Variants in NPAS3 observed in about 807,000 individuals in gnomAD.
NPAS3 encodes neuronal PAS domain-containing protein 3.
Under a neutral mutation model 73.1 loss-of-function variants are expected in NPAS3, and 14 were observed. That is an observed-to-expected ratio of 0.19 (90% CI 0.13 to 0.30). The LOEUF (loss-of-function observed/expected upper bound fraction) is 0.30. NPAS3 is among the 10% of genes least tolerant of loss of function. The probability of loss-of-function intolerance (pLI) is 1.00; values close to 1 mark genes in which losing one functional copy is unlikely to be tolerated. For missense variants in NPAS3, 1,096 were observed against 1,250.0 expected (o/e 0.88, Z 1.86); for synonymous variants, 620 against 541.5 (o/e 1.14, Z -2.01).
intron 1 of NPAS3, among the ~76,000 whole-genome samples, chr14:32,954,137 G>T (rs895378276): frequency 1.3e-5 from 2 of 152,088 alleles, no homozygotes; most frequent in Admixed American, 6.5e-5. Flanking sequence ...AATGATGAAG[G>T]TTCCAAATAT....
chr14:33,416,148 A>G (rs1016238705), intron 4 of NPAS3, among the ~76,000 whole-genome samples: 9 of 152,094 alleles, frequency 5.9e-5, no homozygotes, highest in African/African-American at 2.2e-4. Flanking sequence ...CTCCATCTTC[A>G]CAAGTGGAAA....
intron 2 of NPAS3, among the ~76,000 whole-genome samples, chr14:33,149,886 T>C (rs1037795618): frequency 6.6e-6 from 1 of 152,172 alleles, no homozygotes; most frequent in Admixed American, 6.5e-5. Flanking sequence ...GCTGCACCCA[T>C]TAACCTGTCA....
At chr14:33,789,768 T>C (rs1277005683) in intron 9 of NPAS3, among the ~76,000 whole-genome samples, 3 of 149,994 alleles carry the variant, frequency 2.0e-5, no homozygotes, top group Non-Finnish European at 4.4e-5. Flanking sequence ...TTTTGTATTT[T>C]TTAGTAGAGA....
At chr14:33,577,202 C>T (rs190812023) in intron 5 of NPAS3, among the ~76,000 whole-genome samples, 3 of 152,178 alleles carry the variant, frequency 2.0e-5, no homozygotes, top group Admixed American at 1.3e-4. Context: ...AGCAATTCCT[C>T]GAGGATAAAG....
chr14:33,552,343 G>T (rs2055157926), intron 4 of NPAS3, among the ~76,000 whole-genome samples: 1 of 152,172 alleles, frequency 6.6e-6, no homozygotes, highest in African/African-American at 2.4e-5. Flanking sequence ...TTAGTTAGGT[G>T]ACACTGAGCA....
chr14:33,046,866 C>T (rs2040526963), intron 1 of NPAS3, among the ~76,000 whole-genome samples: 1 of 152,134 alleles, frequency 6.6e-6, no homozygotes, highest in Admixed American at 6.5e-5. Context: ...ATCTCAGCTA[C>T]TAGAGGCTGA....
At chr14:33,383,800 C>T (rs558175737) in intron 4 of NPAS3, among the ~76,000 whole-genome samples, 10 of 151,998 alleles carry the variant, frequency 6.6e-5, no homozygotes, top group African/African-American at 9.6e-5. Context: ...GAATGTCTTC[C>T]GAAAAAAATC....
At chr14:33,042,751 C>T (rs2040385836) in intron 1 of NPAS3, among the ~76,000 whole-genome samples, 1 of 152,148 alleles carries the variant, frequency 6.6e-6, no homozygotes, top group Non-Finnish European at 1.5e-5. Flanking sequence ...AAGAGTAAAT[C>T]TTGGCTACAA....
At chr14:33,755,562 G>A (rs1156626869) in intron 7 of NPAS3, among the ~76,000 whole-genome samples, 1 of 152,176 alleles carries the variant, frequency 6.6e-6, no homozygotes, top group South Asian at 2.1e-4. Context: ...CATGGCTGAT[G>A]TGATTAGGCT....
At chr14:33,495,316 A>C (rs990705660) in intron 4 of NPAS3, among the ~76,000 whole-genome samples, 22 of 152,108 alleles carry the variant, frequency 1.4e-4, no homozygotes, top group Admixed American at 3.3e-4. Context: ...CTGAGTTCTA[A>C]TTTGATTGCA....
At chr14:33,034,858 C>T (rs1364113750) in intron 1 of NPAS3, among the ~76,000 whole-genome samples, 2 of 152,098 alleles carry the variant, frequency 1.3e-5, no homozygotes, top group Non-Finnish European at 2.9e-5. Flanking sequence ...TGATAGCCCA[C>T]CTTGGGACAC....
rs530933049 is a variant in NPAS3 at position 33,157,381 on chromosome 14, G to A, written c.141-57801G>A. On this transcript the variant is annotated intron_variant, in intron 2 of 11. Transcript: ENST00000356141. ...AGGTTTCCAACAGGCCACCTGTCTC[G>A]GACATTTAAAAATTCACAGGACAGA... Among the ~76,000 whole-genome samples, 3 of 152,152 alleles carry A rather than the reference G, an allele frequency of 2.0e-5. No individual in the cohort carries two copies. In the South Asian group the frequency reaches 6.2e-4, roughly 32 times the overall value.
chr14:33,222,930 A>C (rs1047949015), intron 3 of NPAS3, among the ~76,000 whole-genome samples: 14 of 152,202 alleles, frequency 9.2e-5, no homozygotes, highest in Admixed American at 5.2e-4. Flanking sequence ...AGTAGGCGCT[A>C]GAAGCAGGTG....
chr14:33,689,721 A>G (rs150143937), intron 6 of NPAS3, among the ~76,000 whole-genome samples: 153 of 152,272 alleles, frequency 1.0e-3, no homozygotes, highest in African/African-American at 3.3e-3. Flanking sequence ...TAACCTCTAT[A>G]ATATACAATT....
chr14:32,962,778 T>G (rs113693357), intron 1 of NPAS3, among the ~76,000 whole-genome samples: 3,845 of 151,192 alleles, frequency 0.025, 142 homozygotes, highest in African/African-American at 0.083. Context: ...GGTCAGGCTG[T>G]TCTTGAACTC....
At chr14:33,696,562 T>C (rs2060387665) in intron 6 of NPAS3, among the ~76,000 whole-genome samples, 2 of 152,166 alleles carry the variant, frequency 1.3e-5, no homozygotes, top group Admixed American at 1.3e-4. Flanking sequence ...TTTTATGTTT[T>C]CATAGGTGGA....
At chr14:33,686,983 TAAGA>T (rs2060107150) in intron 6 of NPAS3, among the ~76,000 whole-genome samples, 1 of 152,226 alleles carries the variant, frequency 6.6e-6, no homozygotes, top group Non-Finnish European at 1.5e-5. Flanking sequence ...AAAAGTCATT[TAAGA>T]GATTATTTCT....
chr14:33,012,541 C>T (rs914620065), intron 1 of NPAS3, among the ~76,000 whole-genome samples: 2 of 151,512 alleles, frequency 1.3e-5, no homozygotes, highest in Admixed American at 6.6e-5. Flanking sequence ...TTTTCAGCCT[C>T]AAAGTCATAT....
At chr14:33,749,900 C>T (rs1390137928) in intron 7 of NPAS3, among the ~76,000 whole-genome samples, 1 of 152,186 alleles carries the variant, frequency 6.6e-6, no homozygotes, top group Non-Finnish European at 1.5e-5. Context: ...ACACAGTGGT[C>T]CTCTTCTTGG....
Sources: gnomAD v4.1 joint callset for allele counts (sites outside exome capture counted in the v4.1 genomes callset) on GRCh38, gnomAD v4.1.1 for gene constraint, MANE v1.5 for transcripts, NCBI Gene and HGNC (gene_info 2026-07-23, HGNC 2026-07-21) for gene names.